Variants in KIF9 observed in about 807,000 individuals in gnomAD.
KIF9 encodes the protein kinesin-like protein KIF9.
A neutral mutation model predicts 94.8 loss-of-function variants in KIF9; 68 were observed. That is an observed-to-expected ratio of 0.72 (90% CI 0.59 to 0.88). The LOEUF is 0.88. Ranked by LOEUF, KIF9 falls within the 40% of genes least tolerant of loss-of-function variation. The pLI is 0.00. For missense variants in KIF9, 882 were observed against 982.5 expected, an observed-to-expected ratio of 0.90 and a Z score of 1.37; for synonymous variants, 343 against 362.1, an observed-to-expected ratio of 0.95 and a Z score of 0.60.
In KIF9 at chr3:47,240,973, A is replaced by G. The variant is rs1699431484; in HGVS notation, c.1752T>C (p.Phe584=). The G allele has an allele frequency of 6.2e-7, 1 of 1,614,164 alleles. No individual in the cohort carries two copies. The highest frequency in any genetic ancestry group is 1.1e-5 in the South Asian group (1 of 91,088). ...PPSKPVAFEE[F]KNEQGSEINR... is the part of the protein sequence containing the mutation. ...TGATCTCACTACCTTGCTCATTCTTAAACTCCTCAAAGGCCACTGGTTTGG... is the reference window on the plus strand; with the variant it reads ...TGATCTCACTACCTTGCTCATTCTTGAACTCCTCAAAGGCCACTGGTTTGG... Residue 584 remains phenylalanine (F), a synonymous_variant, in exon 17 of 21, where the codon TTT becomes TTC. Transcript: ENST00000684063.
At chr3:47,240,681 A>G in intron 17 of KIF9, 120 bp downstream of exon 17, 1 of 811,934 alleles carries the variant, frequency 1.2e-6, no homozygotes, top group South Asian at 1.6e-5. Flanking sequence ...TGAAGGCCAC[A>G]TCCCAGCACC....
chr3:47,230,810 C>T (rs78267479), intron 20 of KIF9, among the ~76,000 whole-genome samples: 6 of 152,082 alleles, frequency 3.9e-5, no homozygotes, highest in African/African-American at 9.7e-5. Context: ...GAAGCCAAGG[C>T]GGGTGGATCA....
chr3:47,264,172 A>G (rs1437809988), intron 9 of KIF9, 114 bp downstream of exon 9: 3 of 809,830 alleles, frequency 3.7e-6, no homozygotes, highest in Non-Finnish European at 6.5e-6. Context: ...GGATCCTTCC[A>G]CTCTTGACAA....
chr3:47,263,866 G>A (rs1299627656), intron 9 of KIF9: 1 of 457,276 alleles, frequency 2.2e-6, no homozygotes, highest in Non-Finnish European at 4.4e-6. Flanking sequence ...AATACCATCT[G>A]CTCATACTGG....
chr3:47,268,016 C>CG (rs1180988849), intron 5 of KIF9, among the ~76,000 whole-genome samples: 1 of 151,462 alleles, frequency 6.6e-6, no homozygotes, highest in Non-Finnish European at 1.5e-5. Context: ...GGACTACCAG[C>CG]GTGCACTACC....
chr3:47,241,167 A>G, intron 16 of KIF9, 152 bp from the exon 17 acceptor site: 1 of 651,754 alleles, frequency 1.5e-6, no homozygotes, highest in Non-Finnish European at 2.7e-6. Context: ...CTGTGTGTGA[A>G]TCATTCCCTC....
intron 10 of KIF9, among the ~76,000 whole-genome samples, chr3:47,254,145 GA>G (rs766169555): frequency 1.2e-4 from 18 of 152,166 alleles, no homozygotes; most frequent in Non-Finnish European, 2.4e-4. Context: ...TACAAATGAA[GA>G]AACTGAGCCT....
At position 47,267,059 on chromosome 3, in the gene KIF9, G is replaced by A. The variant is rs191481156; in HGVS notation, c.685C>T (p.Arg229Trp). 1.3e-5 allele frequency: 21 copies of A among 1,613,592 alleles called. No homozygotes were observed. Among genetic ancestry groups the A allele is most frequent in the Non-Finnish European group, 1.6e-5 (19 of 1,179,790 alleles). The change falls in exon 7 of 21, where the codon CGG becomes TGG. Residue 229 changes from arginine to tryptophan, a missense_variant. Arg to Trp is a moderately radical substitution (Grantham distance 101). Coordinates refer to ENST00000684063, the MANE Select transcript of KIF9 (RefSeq NM_182902.4). The part of the protein sequence containing the change: ...IFTIYLEAHS[R>W]TLSEEKYITS... ...ATGTACTTTTCCTCTGATAAGGTCC[G>A]GGAATGGGCCTACAAAACATCCAAG... is the stretch of plus-strand genomic sequence containing the variant.
chr3:47,265,727 C>A lies in KIF9; in HGVS notation c.916+3G>T, dbSNP rs1239163961. On this transcript the variant is annotated splice_donor_region_variant and intron_variant, in intron 8 of 20. Transcript: ENST00000684063. The stretch of plus-strand genomic sequence containing the variant: ...TCCCTGGGCAGCAACTGTACCCCCT[C>A]ACCTAACGAGTCCTTCAGAGCGTGG... 2 of 1,613,854 alleles carry A rather than the reference C, an allele frequency of 1.2e-6. No individual in the cohort carries two copies. Among genetic ancestry groups the A allele is most frequent in the Admixed American group, 1.7e-5 (1 of 59,996 alleles).
At chr3:47,229,149 T>C (rs1294536396) in intron 20 of KIF9, among the ~76,000 whole-genome samples, 1 of 152,218 alleles carries the variant, frequency 6.6e-6, no homozygotes, top group African/African-American at 2.4e-5. Flanking sequence ...GTGAAAACTG[T>C]AGGCTGAAAC....
chr3:47,276,965 T>C (rs1454967991), intron 2 of KIF9: 2 of 164,936 alleles, frequency 1.2e-5, no homozygotes, highest in Non-Finnish European at 2.5e-5. Context: ...TGGGCGATTA[T>C]ACAATGACAG....
chr3:47,239,669 C>T (rs1405945429), intron 17 of KIF9: 2 of 1,128,202 alleles, frequency 1.8e-6, no homozygotes, highest in Non-Finnish European at 2.3e-6. Flanking sequence ...CTCACTACAA[C>T]CTCTGCCTCC....
At chr3:47,276,865 T>C (rs553987637) in intron 2 of KIF9, among the ~76,000 whole-genome samples, 1 of 152,320 alleles carries the variant, frequency 6.6e-6, no homozygotes, top group African/African-American at 2.4e-5. Context: ...TAGGGACGGA[T>C]ATATCTTTCC....
intron 1 of KIF9, 30 bp downstream of exon 1, chr3:47,282,465 C>T (rs1702453631): frequency 4.0e-6 from 4 of 989,630 alleles, no homozygotes; most frequent in Non-Finnish European, 4.8e-6. Context: ...CCCGTCTCCC[C>T]ACTCCCACCG....
At chr3:47,245,139 T>TGGCTCTTTG in intron 14 of KIF9, 2 of 618,372 alleles carry the variant, frequency 3.2e-6, no homozygotes. Flanking sequence ...CCCTCACCAG[T>TGGCTCTTTG]ATGGCACCTC....
intron 10 of KIF9, among the ~76,000 whole-genome samples, chr3:47,250,140 A>G (rs781214011): frequency 9.2e-5 from 14 of 151,778 alleles, no homozygotes; most frequent in Non-Finnish European, 1.6e-4. Context: ...GCCTTTTAAC[A>G]TATTCTAGAT....
intron 10 of KIF9, among the ~76,000 whole-genome samples, chr3:47,249,830 G>A (rs1700156332): frequency 6.6e-6 from 1 of 152,206 alleles, no homozygotes; most frequent in Admixed American, 6.5e-5. Flanking sequence ...GGCCAAGGCA[G>A]GTGGATCATC....
intron 1 of KIF9, among the ~76,000 whole-genome samples, chr3:47,279,160 CAAA>C (rs55779664): frequency 1.5e-4 from 8 of 54,900 alleles, no homozygotes; most frequent in Admixed American, 2.1e-4. Flanking sequence ...GACCATATCT[CAAA>C]AAAAAAAAAA....
chr3:47,240,656 G>A, intron 17 of KIF9, 145 bp downstream of exon 17: 1 of 678,226 alleles, frequency 1.5e-6, no homozygotes, highest in South Asian at 1.8e-5. Flanking sequence ...AGAGCTAAGT[G>A]ATCTGACCTA....
Sources: allele counts gnomAD v4.1 joint callset (sites outside exome capture counted in the v4.1 genomes callset), GRCh38; gene constraint gnomAD v4.1.1; transcripts MANE v1.5; gene names NCBI Gene and HGNC (gene_info 2026-07-23, HGNC 2026-07-21).